The following BEND6 variants were observed in gnomAD, a reference collection of about 807,000 sequenced individuals.
BEND6 encodes BEN domain-containing protein 6.
Under a neutral mutation model 31.8 loss-of-function variants are expected in BEND6, and 24 were observed. The observed-to-expected ratio is 0.75, with a 90% CI of 0.55 to 1.06. BEND6 has a LOEUF of 1.06. Ranked by LOEUF, BEND6 falls within the 50% of genes least tolerant of loss-of-function variation. The pLI is 0.00. For synonymous variants in BEND6, 109 were observed against 114.6 expected, an observed-to-expected ratio of 0.95 and a Z score of 0.31; for missense variants, 294 against 327.4, an observed-to-expected ratio of 0.90 and a Z score of 0.79.
At chr6:57,011,681 C>T (rs1212520468) in intron 3 of BEND6, among the ~76,000 whole-genome samples, 1 of 128,088 alleles carries the variant, frequency 7.8e-6, no homozygotes, top group Admixed American at 8.7e-5. Context: ...TCATGCCACT[C>T]TACTCCAGCC....
chr6:57,012,963 A>C (rs1827396549), intron 3 of BEND6, among the ~76,000 whole-genome samples: 1 of 152,098 alleles, frequency 6.6e-6, no homozygotes, highest in Non-Finnish European at 1.5e-5. Flanking sequence ...ATCCCTGCTC[A>C]GCCTTAAGTT....
At chr6:56,996,369 C>T (rs1826711293) in intron 3 of BEND6, among the ~76,000 whole-genome samples, 1 of 152,094 alleles carries the variant, frequency 6.6e-6, no homozygotes, top group Non-Finnish European at 1.5e-5. Flanking sequence ...ATTGCTTGAA[C>T]CCAGGAGGTT....
At chr6:57,014,758 G>T (rs1415473060) in intron 3 of BEND6, among the ~76,000 whole-genome samples, 1 of 152,090 alleles carries the variant, frequency 6.6e-6, no homozygotes, top group African/African-American at 2.4e-5. Flanking sequence ...CTTCTAGAAG[G>T]TGATTGATAA....
chr6:56,993,642 G>A (rs1168291296), intron 3 of BEND6, among the ~76,000 whole-genome samples: 1 of 152,182 alleles, frequency 6.6e-6, no homozygotes, highest in Non-Finnish European at 1.5e-5. Flanking sequence ...CATGTAAGTA[G>A]AAAGATGTTA....
intron 1 of BEND6, among the ~76,000 whole-genome samples, chr6:56,981,050 G>A (rs1826046895): frequency 6.6e-6 from 1 of 152,096 alleles, no homozygotes; most frequent in South Asian, 2.1e-4. Context: ...CTGGGATCAA[G>A]CAATCCTCCC....
At chr6:56,967,553 C>T (rs1457202143) in intron 1 of BEND6, among the ~76,000 whole-genome samples, 1 of 152,104 alleles carries the variant, frequency 6.6e-6, no homozygotes, top group Non-Finnish European at 1.5e-5. Context: ...AGGTCAAACT[C>T]CAGACTCAGA....
At chr6:56,972,645 TC>T (rs1039851924) in intron 1 of BEND6, among the ~76,000 whole-genome samples, 3 of 152,198 alleles carry the variant, frequency 2.0e-5, no homozygotes, top group African/African-American at 7.2e-5. Context: ...AAGATGTATT[TC>T]TCAATTATGT....
chr6:57,011,521 C>A (rs1827340618), intron 3 of BEND6, among the ~76,000 whole-genome samples: 1 of 151,624 alleles, frequency 6.6e-6, no homozygotes, highest in Admixed American at 6.6e-5. Context: ...AGTTCAAGAC[C>A]AGCCTGGGCA....
At chr6:56,976,570 T>G (rs1380992148) in intron 1 of BEND6, among the ~76,000 whole-genome samples, 2 of 151,270 alleles carry the variant, frequency 1.3e-5, no homozygotes, top group Non-Finnish European at 2.9e-5. Context: ...CTGTGGGGTT[T>G]GTTTGTTTGT....
chr6:56,975,104 C>A (rs543709604), intron 1 of BEND6, among the ~76,000 whole-genome samples: 1 of 151,608 alleles, frequency 6.6e-6, no homozygotes, highest in South Asian at 2.1e-4. Flanking sequence ...GCAACAAAAG[C>A]GAAACTGTCT....
At chr6:56,958,729 C>A (rs1207865967) in intron 1 of BEND6, among the ~76,000 whole-genome samples, 2 of 152,120 alleles carry the variant, frequency 1.3e-5, no homozygotes, top group Admixed American at 6.5e-5. Context: ...TGGAGGATAG[C>A]AAAGTGGTCG....
chr6:56,988,923 C>G (rs1826388442), intron 2 of BEND6, among the ~76,000 whole-genome samples: 1 of 152,066 alleles, frequency 6.6e-6, no homozygotes, highest in African/African-American at 2.4e-5. Context: ...CCCAGCTACT[C>G]AAGAGGCTGA....
chr6:57,017,340 C>T lies in BEND6; in HGVS notation c.653C>T (p.Thr218Ile), dbSNP rs1245377494. Residue 218 changes from threonine to isoleucine, a missense_variant, in exon 5 of 7, where the codon ACT becomes ATT. Thr to Ile is a moderately conservative substitution (Grantham distance 89). Transcript: ENST00000370746. Reference protein sequence around the residue: ...THSLTGAKSSTSRDKAVKPAM... With the variant: ...THSLTGAKSSISRDKAVKPAM... ...AGCCTGACAGGGGCAAAATCCTCTA[C>T]TTCAAGGGACAAAGCTGTAAAACCA... The T allele has an allele frequency of 7.0e-6, 10 of 1,438,410 alleles. No homozygotes were observed. The Admixed American group carries it at 2.0e-4, about 28-fold the overall frequency. 89.1% of individuals were successfully genotyped at this position (1,438,410 alleles called of 1,614,324 possible).
chr6:56,994,436 C>G (rs1049463489), intron 3 of BEND6, among the ~76,000 whole-genome samples: 9 of 109,094 alleles, frequency 8.2e-5, no homozygotes, highest in African/African-American at 2.5e-4. Context: ...CCAGCCTGGG[C>G]GACAGAGCGA....
At chr6:56,996,812 T>C (rs1222531843) in intron 3 of BEND6, among the ~76,000 whole-genome samples, 3 of 152,236 alleles carry the variant, frequency 2.0e-5, no homozygotes, top group Non-Finnish European at 2.9e-5. Context: ...CTCCTACTGC[T>C]GCTACTCTGG....
At chr6:56,964,585 T>C (rs1054189760) in intron 1 of BEND6, among the ~76,000 whole-genome samples, 3 of 152,082 alleles carry the variant, frequency 2.0e-5, no homozygotes, top group Non-Finnish European at 4.4e-5. Flanking sequence ...TACTATAGCC[T>C]CCATCTCCCA....
chr6:56,966,409 T>C (rs1825481127), intron 1 of BEND6, among the ~76,000 whole-genome samples: 1 of 152,182 alleles, frequency 6.6e-6, no homozygotes, highest in Non-Finnish European at 1.5e-5. Context: ...GCCTGTTTTT[T>C]TATAAATATG....
intron 2 of BEND6, among the ~76,000 whole-genome samples, chr6:56,985,112 A>G (rs540867841): frequency 5.6e-4 from 85 of 152,318 alleles, no homozygotes; most frequent in African/African-American, 2.0e-3. Flanking sequence ...ATTCCAGGTG[A>G]CTGTTGTACC....
chr6:56,995,581 T>G (rs918301126), intron 3 of BEND6, among the ~76,000 whole-genome samples: 2 of 152,220 alleles, frequency 1.3e-5, no homozygotes, highest in Non-Finnish European at 2.9e-5. Context: ...AGGAATAATC[T>G]GTTCAGGTTT....
Sources: allele counts gnomAD v4.1 joint callset (sites outside exome capture counted in the v4.1 genomes callset), GRCh38; gene constraint gnomAD v4.1.1; transcripts MANE v1.5; gene names NCBI Gene and HGNC (gene_info 2026-07-23, HGNC 2026-07-21).